Variants in GATAD2A observed in about 807,000 individuals in gnomAD.
The protein encoded by GATAD2A is transcriptional repressor p66-alpha.
GATAD2A carries 12 observed loss-of-function variants against 68.5 expected under a neutral mutation model. That is an observed-to-expected ratio of 0.18 (90% CI 0.11 to 0.28). The LOEUF (loss-of-function observed/expected upper bound fraction) is 0.28. Among genes scored for constraint, GATAD2A ranks in the 10% least tolerant of loss-of-function variants. The probability of loss-of-function intolerance (pLI) is 1.00; values close to 1 mark genes in which losing one functional copy is unlikely to be tolerated. For synonymous variants in GATAD2A, 410 were observed against 375.3 expected, an observed-to-expected ratio of 1.09 and a Z score of -1.07; for missense variants, 755 against 868.5, an observed-to-expected ratio of 0.87 and a Z score of 1.64.
intron 7 of GATAD2A, among the ~76,000 whole-genome samples, chr19:19,496,532 G>A (rs2060161075): frequency 6.6e-6 from 1 of 152,252 alleles, no homozygotes; most frequent in Non-Finnish European, 1.5e-5. Flanking sequence ...ACAGCATGTG[G>A]CACACAGCAG....
chr19:19,467,199 C>T (rs1290530678), intron 2 of GATAD2A, among the ~76,000 whole-genome samples: 2 of 152,106 alleles, frequency 1.3e-5, no homozygotes, highest in Non-Finnish European at 2.9e-5. Flanking sequence ...CACGGTGAAA[C>T]CCCATCTCTA....
chr19:19,467,870 C>T (rs1485602597), intron 2 of GATAD2A, among the ~76,000 whole-genome samples: 2 of 152,160 alleles, frequency 1.3e-5, no homozygotes, highest in African/African-American at 4.8e-5. Context: ...GAGGCAGATA[C>T]AGTAGTAGAA....
At chr19:19,431,581 C>G (rs2147444716) in intron 1 of GATAD2A, among the ~76,000 whole-genome samples, 1 of 150,798 alleles carries the variant, frequency 6.6e-6, no homozygotes, top group African/African-American at 2.4e-5. Context: ...GTAGTCCCAG[C>G]TGCTCGGGAG....
chr19:19,420,103 C>G (rs901271597), intron 1 of GATAD2A, among the ~76,000 whole-genome samples: 16 of 146,790 alleles, frequency 1.1e-4, no homozygotes, highest in African/African-American at 3.9e-4. Flanking sequence ...CTCTACTTCC[C>G]AGGTTCAAGC....
chr19:19,451,351 A>T (rs1291580894), intron 1 of GATAD2A, among the ~76,000 whole-genome samples: 3 of 152,200 alleles, frequency 2.0e-5, no homozygotes, highest in African/African-American at 7.2e-5. Context: ...ACTGCACTCC[A>T]GCTGGATGAC....
At chr19:19,444,570 C>G (rs1234847728) in intron 1 of GATAD2A, among the ~76,000 whole-genome samples, 1 of 152,142 alleles carries the variant, frequency 6.6e-6, no homozygotes, top group African/African-American at 2.4e-5. Flanking sequence ...TGTGGCACTT[C>G]CCCAATAGTG....
chr19:19,412,000 A>C (rs2050989946), intron 1 of GATAD2A, among the ~76,000 whole-genome samples: 1 of 151,708 alleles, frequency 6.6e-6, no homozygotes, highest in Non-Finnish European at 1.5e-5. Flanking sequence ...GCACTTTGGG[A>C]GCCTAAGGCA....
chr19:19,441,203 C>T (rs374159507), intron 1 of GATAD2A, among the ~76,000 whole-genome samples: 45 of 152,094 alleles, frequency 3.0e-4, no homozygotes, highest in East Asian at 9.7e-4. Context: ...CCACCATGCC[C>T]GGCTAAAAAC....
At chr19:19,467,550 T>A (rs777246329) in intron 2 of GATAD2A, among the ~76,000 whole-genome samples, 2 of 152,218 alleles carry the variant, frequency 1.3e-5, no homozygotes, top group African/African-American at 2.4e-5. Context: ...TCACTCAGCA[T>A]TGTGAGATTT....
chr19:19,492,842 C>T (rs928425758), intron 4 of GATAD2A, 130 bp downstream of exon 4: 1 of 812,228 alleles, frequency 1.2e-6, no homozygotes, highest in South Asian at 1.7e-5. Flanking sequence ...GGTCCCACTC[C>T]CGCATTTGTG....
chr19:19,420,988 A>G (rs1414891098), intron 1 of GATAD2A, among the ~76,000 whole-genome samples: 1 of 152,164 alleles, frequency 6.6e-6, no homozygotes, highest in Non-Finnish European at 1.5e-5. Context: ...GGTGTCCCCA[A>G]AGTTTTCAGA....
intron 1 of GATAD2A, among the ~76,000 whole-genome samples, chr19:19,426,233 T>A (rs1355710080): frequency 6.6e-6 from 1 of 152,216 alleles, no homozygotes. Flanking sequence ...AGTCTTCGTG[T>A]GTCTAGCTTG....
chr19:19,434,216 A>G (rs1247838909), intron 1 of GATAD2A, among the ~76,000 whole-genome samples: 2 of 152,126 alleles, frequency 1.3e-5, no homozygotes, highest in African/African-American at 4.8e-5. Flanking sequence ...GATTTTTTAT[A>G]TATAGACCTT....
intron 1 of GATAD2A, among the ~76,000 whole-genome samples, chr19:19,455,365 C>T (rs1426443470): frequency 3.9e-5 from 6 of 151,950 alleles, no homozygotes; most frequent in Non-Finnish European, 7.4e-5. Flanking sequence ...TGGCATGTGC[C>T]TGTAGTCCCA....
In GATAD2A at chr19:19,429,319, C is replaced by T. The variant is rs1321741988; in HGVS notation, c.-7+23300C>T. 7 of 724,510 alleles carry T rather than the reference C, an allele frequency of 9.7e-6. No individual in the cohort carries two copies. In the African/African-American group the frequency reaches 1.3e-4, roughly 14 times the overall value. 44.9% of individuals were successfully genotyped at this position (724,510 alleles called of 1,614,324 possible). A position where few individuals can be genotyped will look rare whatever the true frequency, so the allele number is the denominator to read the frequency against. ...AAGGATGGGTGGGAGCTAGGAGGGGCTCTCCTGGCCATGGGAACGGTGCGT... is the reference window on the plus strand; with the variant it reads ...AAGGATGGGTGGGAGCTAGGAGGGGTTCTCCTGGCCATGGGAACGGTGCGT... On this transcript the variant is annotated intron_variant, in intron 1 of 11. Coordinates refer to ENST00000683918, the MANE Select transcript of GATAD2A (RefSeq NM_001384528.1).
rs549171379 is a variant in GATAD2A, at chr19:19,458,061, G to T, written c.-6-7279G>T. Among the ~76,000 whole-genome samples, 139 of 152,294 alleles carry T rather than the reference G, an allele frequency of 9.1e-4. 1 individual carries two copies. The highest frequency in any genetic ancestry group is 3.2e-3 in the African/African-American group (131 of 41,572). On this transcript the variant is annotated intron_variant, in intron 1 of 11. Coordinates refer to ENST00000683918, the MANE Select transcript of GATAD2A (RefSeq NM_001384528.1). ...AGCTCCTAGCCAGCTGACTAGGCTG[G>T]GGTCCATCCTGATAACATGAGAGAG...
chr19:19,395,637 A>G (rs2049176175), intron 1 of GATAD2A, among the ~76,000 whole-genome samples: 1 of 152,276 alleles, frequency 6.6e-6, no homozygotes. Context: ...ATATTATCAC[A>G]GTGTTCCCCT....
chr19:19,450,012 G>A (rs184019432), intron 1 of GATAD2A, among the ~76,000 whole-genome samples: 1 of 152,130 alleles, frequency 6.6e-6, no homozygotes, highest in East Asian at 1.9e-4. Context: ...CTGGTCTTGA[G>A]CTCTTGTCCT....
At chr19:19,429,328 C>CT in intron 1 of GATAD2A, 1 of 667,658 alleles carries the variant, frequency 1.5e-6, no homozygotes, top group Non-Finnish European at 1.9e-6. Context: ...GCTCTCCTGG[C>CT]CATGGGAACG....
Sources: gnomAD v4.1 joint callset for allele counts (sites outside exome capture counted in the v4.1 genomes callset) on GRCh38, gnomAD v4.1.1 for gene constraint, MANE v1.5 for transcripts, NCBI Gene and HGNC (gene_info 2026-07-23, HGNC 2026-07-21) for gene names.